The following TAF9 variants were observed in gnomAD, a reference collection of about 807,000 sequenced individuals.
TAF9 encodes transcription initiation factor TFIID subunit 9.
In TAF9, 10 loss-of-function variants were observed where a neutral mutation model predicts 16.5. The observed-to-expected ratio is 0.61, with a 90% confidence interval of 0.37 to 1.03. TAF9 has a LOEUF of 1.03. Among genes scored for constraint, TAF9 ranks in the 50% least tolerant of loss-of-function variants. The probability of loss-of-function intolerance (pLI) is 0.01; values close to 1 mark genes in which losing one functional copy is unlikely to be tolerated. For synonymous variants in TAF9, 105 were observed against 120.5 expected, an observed-to-expected ratio of 0.87 and a Z score of 0.84; for missense variants, 288 against 319.1, an observed-to-expected ratio of 0.90 and a Z score of 0.74.
At chr5:69,366,720 T>C (rs1762443151) in intron 1 of TAF9, 125 bp from the exon 2 acceptor site, 5 of 705,958 alleles carry the variant, frequency 7.1e-6, no homozygotes, top group Non-Finnish European at 1.2e-5. Flanking sequence ...TAAAAGTTCT[T>C]GACGACTGAA....
At chr5:69,365,996 G>A (rs576484501) in intron 2 of TAF9, among the ~76,000 whole-genome samples, 109 of 152,248 alleles carry the variant, frequency 7.2e-4, no homozygotes, top group African/African-American at 2.2e-3. Context: ...ATAAGGGAGC[G>A]ATGAAAGATT....
At chr5:69,368,194 A>C (rs1343702157) in intron 1 of TAF9, among the ~76,000 whole-genome samples, 1 of 152,204 alleles carries the variant, frequency 6.6e-6, no homozygotes, top group Admixed American at 6.5e-5. Context: ...TATAAATACA[A>C]CACATATTCC....
At chr5:69,366,452 C>G in intron 2 of TAF9, 51 bp downstream of exon 2, 2 of 1,465,896 alleles carry the variant, frequency 1.4e-6, no homozygotes, top group Non-Finnish European at 1.9e-6. Flanking sequence ...ACTCCACTTA[C>G]CAGACCTTAA....
intron 1 of TAF9, among the ~76,000 whole-genome samples, chr5:69,367,367 G>C (rs558036822): frequency 6.6e-6 from 1 of 151,508 alleles, no homozygotes; most frequent in East Asian, 2.0e-4. Context: ...AAAATTAGCC[G>C]GGCGTGGTGG....
At position 69,365,104 on chromosome 5, in the gene TAF9, C is replaced by T. The variant is rs1284552254; in HGVS notation, c.634G>A (p.Val212Ile). 3.7e-6 allele frequency: 6 copies of T among 1,614,104 alleles called. No homozygotes were observed. The African/African-American group carries it at 4.0e-5, about 11-fold the overall frequency. ...SIPATSAVQNVLINPSLIGSK... is the reference protein window; with the variant it reads ...SIPATSAVQNILINPSLIGSK... ...CCGATTAATGATGGATTAATCAGAA[C>T]ATTCTGAACTGCTGAGGTTGCAGGA... is the stretch of plus-strand genomic sequence containing the variant. Residue 212 changes from valine to isoleucine, a missense_variant, in exon 3 of 3, where the codon GTT becomes ATT. Val to Ile is a conservative substitution (Grantham distance 29). Transcript: ENST00000217893.
chr5:69,365,768 G>A lies in TAF9; in HGVS notation c.-17-14C>T. On this transcript the variant is annotated splice_polypyrimidine_tract_variant and intron_variant, in intron 2 of 2. Transcript: ENST00000217893. ...CCGATGATCAGACTTTAGATCATTT[G>A]AAAAAAATATGTACATTAGATCAAT... 6.7e-7 allele frequency: 1 copy of A among 1,482,580 alleles called. No individual in the cohort carries two copies. The highest frequency in any genetic ancestry group is 9.0e-7 in the Non-Finnish European group (1 of 1,110,720). 91.8% of individuals were successfully genotyped at this position (1,482,580 alleles called of 1,614,324 possible).
At chr5:69,367,371 G>A (rs576218244) in intron 1 of TAF9, among the ~76,000 whole-genome samples, 1 of 151,630 alleles carries the variant, frequency 6.6e-6, no homozygotes, top group African/African-American at 2.4e-5. Context: ...TTAGCCGGGC[G>A]TGGTGGCGCG....
At chr5:69,367,441 TG>T (rs1762487478) in intron 1 of TAF9, among the ~76,000 whole-genome samples, 1 of 147,404 alleles carries the variant, frequency 6.8e-6, no homozygotes, top group Non-Finnish European at 1.5e-5. Flanking sequence ...ACCAGGTAGT[TG>T]TAGGATGCAG....
rs763374978 is a variant in TAF9, at chr5:69,365,547, G to C, written c.191C>G (p.Ala64Gly). The change falls in exon 3 of 3, where the codon GCT becomes GGT. Residue 64 changes from alanine (A) to glycine (G), a missense_variant. Transcript: ENST00000217893. ...AKIYSSHAKK[A>G]TVDADDVRLA... is the part of the protein sequence containing the mutation. ...TCGCACATCATCTGCATCAACAGTA[G>C]CTTTCTTAGCATGGCTTGAATAAAT... 4.3e-6 allele frequency: 7 copies of C among 1,613,834 alleles called. No homozygotes were observed. In the Admixed American group the frequency reaches 1.2e-4, roughly 27 times the overall value.
Position 69,364,924 on chromosome 5 carries a change from T to C in TAF9, c.*19A>G, listed in dbSNP as rs1762348949. The C allele has an allele frequency of 6.3e-7, 1 of 1,591,154 alleles. No individual in the cohort carries two copies. Among genetic ancestry groups the C allele is most frequent in the African/African-American group, 1.3e-5 (1 of 74,738 alleles). Reference sequence around the variant, plus strand: ...TGAATTCAAGACCAAGTATACATGTTACATTCAGCAAGGCTAGATTACAGA... The same window carrying C: ...TGAATTCAAGACCAAGTATACATGTCACATTCAGCAAGGCTAGATTACAGA... On this transcript the variant is annotated 3_prime_UTR_variant, in exon 3 of 3. Transcript: ENST00000217893.
chr5:69,365,296 A>C lies in TAF9; in HGVS notation c.442T>G (p.Leu148Val), dbSNP rs781495739. Reference protein sequence around the residue: ...TSAGRITVPRLSVGSVTSRPS... With the variant: ...TSAGRITVPRVSVGSVTSRPS... ...CTGCTAGTAACTGAACCAACACTTA[A>C]CCGCGGGACTGTTATTCTTCCCGCA... is the stretch of plus-strand genomic sequence containing the variant. Residue 148 changes from leucine (L) to valine (V), a missense_variant, in exon 3 of 3, where the codon TTA becomes GTA. Coordinates refer to ENST00000217893, the MANE Select transcript of TAF9 (RefSeq NM_003187.5). 5 of 1,614,116 alleles carry C rather than the reference A, an allele frequency of 3.1e-6. No individual in the cohort carries two copies. The highest frequency in any genetic ancestry group is 4.2e-6 in the Non-Finnish European group (5 of 1,180,024).
At position 69,365,642 on chromosome 5, in the gene TAF9, C is replaced by T; in HGVS notation, c.96G>A (p.Glu32=). The T allele has an allele frequency of 6.2e-7, 1 of 1,613,890 alleles. No homozygotes were observed. Among genetic ancestry groups the T allele is most frequent in the Non-Finnish European group, 8.5e-7 (1 of 1,179,886 alleles). ...CCAACATCTGATTTATAACTCTTGG[C>T]TCATATTCTGTAATCCCCATATCCT... ...ILKDMGITEY[E]PRVINQMLEF... The change falls in exon 3 of 3, where the codon GAG becomes GAA. Residue 32 remains glutamate (E), a synonymous_variant. Coordinates refer to ENST00000217893, the MANE Select transcript of TAF9 (RefSeq NM_003187.5).
rs1278255038 is a variant in TAF9, at chr5:69,364,970, ATCATCG to A, written c.762_767del (p.Asp259_Asp260del). 4 of 1,612,694 alleles carry A rather than the reference ATCATCG, an allele frequency of 2.5e-6. No individual in the cohort carries two copies. Among genetic ancestry groups the A allele is most frequent in the African/African-American group, 1.3e-5 (1 of 74,920 alleles). On this transcript the variant is annotated inframe_deletion, in exon 3 of 3. Coordinates refer to ENST00000217893, the MANE Select transcript of TAF9 (RefSeq NM_003187.5). ...ACAGATTATCATAGTCATCATCATC[ATCATCG>A]TCATCATCATCATCTTCACGTTTTC...
intron 1 of TAF9, 195 bp from the exon 2 acceptor site, chr5:69,366,790 C>T: frequency 3.6e-6 from 2 of 563,292 alleles, no homozygotes; most frequent in South Asian, 2.2e-5. Flanking sequence ...CAGAGTTTCA[C>T]TCTTGTCGCC....
intron 1 of TAF9, chr5:69,367,783 G>A (rs561179975): frequency 6.6e-6 from 1 of 152,122 alleles, no homozygotes; most frequent in African/African-American, 2.4e-5. Context: ...GAGCTCAAGC[G>A]ATCTCCCCAC....
chr5:69,365,437 G>C lies in TAF9; in HGVS notation c.301C>G (p.Gln101Glu). The C allele has an allele frequency of 1.2e-6, 2 of 1,614,206 alleles. No individual in the cohort carries two copies. The highest frequency in any genetic ancestry group is 1.1e-5 in the South Asian group (1 of 91,084). Residue 101 changes from glutamine (Q) to glutamate (E), a missense_variant, in exon 3 of 3, where the codon CAA becomes GAA. Transcript: ENST00000217893. Reference protein sequence around the residue: ...FLLDIARQRNQTPLPLIKPYS... With the variant: ...FLLDIARQRNETPLPLIKPYS... ...GGCTTGATCAATGGCAAAGGGGTTTGATTTCTTTGCCTTGCAATATCTAAT... is the reference window on the plus strand; with the variant it reads ...GGCTTGATCAATGGCAAAGGGGTTTCATTTCTTTGCCTTGCAATATCTAAT...
At position 69,365,288 on chromosome 5, in the gene TAF9, A is replaced by G. The variant is rs1762372426; in HGVS notation, c.450T>C (p.Val150=). 2 of 1,614,072 alleles carry G rather than the reference A, an allele frequency of 1.2e-6. No homozygotes were observed. The highest frequency in any genetic ancestry group is 1.7e-6 in the Non-Finnish European group (2 of 1,180,030). ...AGRITVPRLS[V]GSVTSRPSTP... is the part of the protein sequence containing the mutation. ...TACTTGGTCTGCTAGTAACTGAACCAACACTTAACCGCGGGACTGTTATTC... is the reference window on the plus strand; with the variant it reads ...TACTTGGTCTGCTAGTAACTGAACCGACACTTAACCGCGGGACTGTTATTC... The change falls in exon 3 of 3, where the codon GTT becomes GTC. Residue 150 remains valine (V), a synonymous_variant. Coordinates refer to ENST00000217893, the MANE Select transcript of TAF9 (RefSeq NM_003187.5).
intron 1 of TAF9, chr5:69,368,877 T>C (rs1580332294): frequency 6.6e-6 from 1 of 152,384 alleles, no homozygotes; most frequent in African/African-American, 2.4e-5. Flanking sequence ...CCCGAAATGC[T>C]CTATATGCCT....
At chr5:69,369,287 C>G (rs377727980) in intron 1 of TAF9, 176 bp downstream of exon 1, 8 of 551,548 alleles carry the variant, frequency 1.5e-5, no homozygotes, top group Middle Eastern at 9.8e-4. Flanking sequence ...CGTCCCCTCC[C>G]TCGCCTCCCG....
Sources: gnomAD v4.1 joint callset for allele counts (sites outside exome capture counted in the v4.1 genomes callset) on GRCh38, gnomAD v4.1.1 for gene constraint, MANE v1.5 for transcripts, NCBI Gene and HGNC (gene_info 2026-07-23, HGNC 2026-07-21) for gene names.